The following TRIM24 variants were observed in gnomAD, a reference collection of about 807,000 sequenced individuals.
TRIM24 encodes transcription intermediary factor 1-alpha.
A neutral mutation model predicts 123.9 loss-of-function variants in TRIM24; 29 were observed. The ratio of observed to expected loss-of-function variants is 0.23; its 90% CI spans 0.17 to 0.32. The LOEUF (loss-of-function observed/expected upper bound fraction) is 0.32. Among genes scored for constraint, TRIM24 ranks in the 10% least tolerant of loss-of-function variants. TRIM24 has a pLI of 1.00. For missense variants in TRIM24, 932 were observed against 1,295.3 expected, an observed-to-expected ratio of 0.72 and a Z score of 4.31; for synonymous variants, 456 against 461.1, an observed-to-expected ratio of 0.99 and a Z score of 0.14.
intron 4 of TRIM24, among the ~76,000 whole-genome samples, chr7:138,520,267 T>C (rs1265710560): frequency 6.6e-6 from 1 of 152,158 alleles, no homozygotes; most frequent in Non-Finnish European, 1.5e-5. Context: ...GTCTGCACTA[T>C]TATAGTAAAG....
intron 5 of TRIM24, among the ~76,000 whole-genome samples, chr7:138,526,758 T>A: frequency 6.6e-6 from 1 of 152,330 alleles, no homozygotes; most frequent in Middle Eastern, 3.4e-3. Context: ...TGAAATACTA[T>A]TTTCTTTATT....
At chr7:138,556,855 G>C (rs772647207) in intron 9 of TRIM24, among the ~76,000 whole-genome samples, 1 of 152,180 alleles carries the variant, frequency 6.6e-6, no homozygotes, top group Non-Finnish European at 1.5e-5. Context: ...CAAAGGCTAG[G>C]TCCCAAACAA....
At chr7:138,553,810 G>C (rs772466028) in intron 8 of TRIM24, among the ~76,000 whole-genome samples, 1 of 152,160 alleles carries the variant, frequency 6.6e-6, no homozygotes, top group Non-Finnish European at 1.5e-5. Context: ...CCAGCTACAC[G>C]TCTGGATGAG....
chr7:138,579,109 C>T, intron 14 of TRIM24, 95 bp from the exon 15 acceptor site: 1 of 994,312 alleles, frequency 1.0e-6, no homozygotes. Flanking sequence ...TTTGAAGCAG[C>T]CAGGTGCTCA....
intron 6 of TRIM24, among the ~76,000 whole-genome samples, chr7:138,537,084 AGTGACTCGATTTTCCAG>A (rs1796893801): frequency 6.6e-6 from 1 of 151,962 alleles, no homozygotes; most frequent in Non-Finnish European, 1.5e-5. Flanking sequence ...TTAGGGTGGG[AGTGACTCGATTTTCCAG>A]GTGCCGTCTG....
rs1432290977 is a variant in TRIM24, at chr7:138,460,625, C to A, written c.77C>A (p.Ala26Glu). 3 of 1,413,344 alleles carry A rather than the reference C, an allele frequency of 2.1e-6. No homozygotes were observed. The highest frequency in any genetic ancestry group is 3.1e-5 in the South Asian group (2 of 64,124). 87.6% of individuals were successfully genotyped at this position (1,413,344 alleles called of 1,614,324 possible). The stretch of plus-strand genomic sequence containing the variant: ...GCGGCCTCCGGGGGGCCCTCGGCGG[C>A]GCCGAGCGGGGAGAACGAGGCCGAG... Reference protein sequence around the residue: ...SAAASGGPSAAPSGENEAESR... With the variant: ...SAAASGGPSAEPSGENEAESR... The change falls in exon 1 of 19, where the codon GCG becomes GAG. Residue 26 changes from alanine to glutamate, a missense_variant. By Grantham distance (107) the Ala-to-Glu change is moderately radical. Coordinates refer to ENST00000343526, the MANE Select transcript of TRIM24 (RefSeq NM_015905.3).
At chr7:138,466,565 G>A (rs1795145922) in intron 1 of TRIM24, among the ~76,000 whole-genome samples, 1 of 142,440 alleles carries the variant, frequency 7.0e-6, no homozygotes, top group African/African-American at 2.6e-5. Context: ...TGTTGCTCAG[G>A]CTGGTCTCTC....
chr7:138,559,693 G>A (rs1352714017), intron 9 of TRIM24, among the ~76,000 whole-genome samples: 1 of 152,150 alleles, frequency 6.6e-6, no homozygotes, highest in Non-Finnish European at 1.5e-5. Context: ...GGGTCAGATG[G>A]TCTGGGTCCT....
At chr7:138,540,430 A>G (rs537698790) in intron 7 of TRIM24, among the ~76,000 whole-genome samples, 3 of 152,356 alleles carry the variant, frequency 2.0e-5, no homozygotes, top group Admixed American at 6.5e-5. Context: ...CATCTCAACA[A>G]TGATCACAGC....
intron 6 of TRIM24, among the ~76,000 whole-genome samples, chr7:138,532,740 T>A (rs1796774539): frequency 6.6e-6 from 1 of 152,208 alleles, no homozygotes; most frequent in African/African-American, 2.4e-5. Context: ...TTTTCTCCAA[T>A]TCTGTGAAGA....
In TRIM24 at chr7:138,577,507, A is replaced by G. The variant is rs1797785751; in HGVS notation, c.2175A>G (p.Glu725=). 1 of 1,611,708 alleles carries G rather than the reference A, an allele frequency of 6.2e-7. No individual in the cohort carries two copies. Among genetic ancestry groups the G allele is most frequent in the Non-Finnish European group, 8.5e-7 (1 of 1,179,112 alleles). The change falls in exon 14 of 19, where the codon GAA becomes GAG. Residue 725 remains glutamate (E), a synonymous_variant. Transcript: ENST00000343526. ...TGGAGCCAATTCGAATAAAACAAGA[A>G]AACAGTGGACCACCGGAAAATTATG... is the stretch of plus-strand genomic sequence containing the variant. ...VMLEPIRIKQ[E]NSGPPENYDF... is the part of the protein sequence containing the mutation.
chr7:138,471,851 C>T lies in TRIM24; in HGVS notation c.364+10939C>T, dbSNP rs1226530285. ...CCACCGCACCCGGCCTGGTATAATACATTTAAAAGAAAAATGTCTTCTATA... is the reference window on the plus strand; with the variant it reads ...CCACCGCACCCGGCCTGGTATAATATATTTAAAAGAAAAATGTCTTCTATA... On this transcript the variant is annotated intron_variant, in intron 1 of 18. Coordinates refer to ENST00000343526, the MANE Select transcript of TRIM24 (RefSeq NM_015905.3). 3.3e-5 allele frequency among the ~76,000 whole-genome samples: 5 copies of T among 152,178 alleles called. No homozygotes were observed. In the East Asian group the frequency reaches 9.6e-4, roughly 29 times the overall value.
intron 1 of TRIM24, chr7:138,461,284 T>C: frequency 1.8e-6 from 1 of 556,302 alleles, no homozygotes; most frequent in South Asian, 1.4e-5. Context: ...GCCCGCTGCC[T>C]CCACAAAGCT....
At chr7:138,567,396 C>T in intron 9 of TRIM24, 85 bp from the exon 10 acceptor site, 5 of 1,229,540 alleles carry the variant, frequency 4.1e-6, no homozygotes, top group South Asian at 3.6e-5. Context: ...TTCTATTTTT[C>T]TGTAAAAGTT....
At chr7:138,537,672 T>C (rs536964463) in intron 6 of TRIM24, among the ~76,000 whole-genome samples, 1 of 152,278 alleles carries the variant, frequency 6.6e-6, no homozygotes, top group East Asian at 1.9e-4. Context: ...GGCAAATTAC[T>C]GTCTCTCTGA....
At chr7:138,556,943 A>C (rs1193333010) in intron 9 of TRIM24, among the ~76,000 whole-genome samples, 1 of 152,266 alleles carries the variant, frequency 6.6e-6, no homozygotes, top group Non-Finnish European at 1.5e-5. Context: ...TGGTACAGGC[A>C]AGGAGGCTTA....
rs747416585 is a variant in TRIM24, at chr7:138,460,880, C to T, written c.332C>T (p.Pro111Leu). ...TPPPVPAPGS[P>L]VSGSSPFATQ... ...CCACCCGTCCCTGCCCCCGGCTCGC[C>T]GGTCAGCGGCTCGTCGCCGTTCGCC... The change falls in exon 1 of 19, where the codon CCG (proline) becomes CTG (leucine). Residue 111 changes from proline to leucine, a missense_variant. Around this residue, in one of 7 missense-constraint regions of TRIM24, gnomAD observed 164 missense variants for 181.9 expected, o/e 0.90. Transcript: ENST00000343526. 4.6e-6 allele frequency: 7 copies of T among 1,530,430 alleles called. No individual in the cohort carries two copies. Among genetic ancestry groups the T allele is most frequent in the Non-Finnish European group, 6.1e-6 (7 of 1,147,964 alleles). The allele number at this position is 1,530,430 out of a possible 1,614,324, so 94.8% of individuals were successfully genotyped here.
intron 16 of TRIM24, among the ~76,000 whole-genome samples, chr7:138,580,971 ATTTTG>A (rs1219300326): frequency 6.6e-6 from 1 of 152,124 alleles, no homozygotes; most frequent in South Asian, 2.1e-4. Context: ...GTAAATTTCT[ATTTTG>A]TTTTATTTCC....
chr7:138,536,658 G>A (rs546742411), intron 6 of TRIM24, among the ~76,000 whole-genome samples: 3 of 152,342 alleles, frequency 2.0e-5, no homozygotes, highest in African/African-American at 7.2e-5. Flanking sequence ...GCTACTTGGG[G>A]GTTAGGGACC....
Sources: gnomAD v4.1 joint callset for allele counts (sites outside exome capture counted in the v4.1 genomes callset) on GRCh38, gnomAD v4.1.1 for gene constraint, gnomAD v4.1.1 regional missense constraint, MANE v1.5 for transcripts, NCBI Gene and HGNC (gene_info 2026-07-23, HGNC 2026-07-21) for gene names.